NUP188: variants seen among roughly 807,000 people sequenced by gnomAD.
The protein encoded by NUP188 is nucleoporin 188.
A neutral mutation model predicts 223.0 loss-of-function variants in NUP188; 97 were observed. The ratio of observed to expected loss-of-function variants is 0.43; its 90% CI spans 0.37 to 0.51. NUP188 has a LOEUF of 0.51. Ranked by LOEUF, NUP188 falls within the 20% of genes least tolerant of loss-of-function variation. NUP188 has a pLI of 0.00. For synonymous variants in NUP188, 869 were observed against 828.0 expected (o/e 1.05, Z -0.85); for missense variants, 1,947 against 2,175.6 (o/e 0.89, Z 2.09).
intron 2 of NUP188, among the ~76,000 whole-genome samples, chr9:128,950,150 C>A (rs908986504): frequency 4.0e-5 from 6 of 150,772 alleles, no homozygotes; most frequent in Non-Finnish European, 7.4e-5. Context: ...CTTGAACTCC[C>A]GACCTCAGGT....
chr9:129,007,012 C>T lies in NUP188; in HGVS notation c.*334C>T, dbSNP rs1009283804. 3.6e-5 allele frequency: 9 copies of T among 248,864 alleles called. No homozygotes were observed. The highest frequency in any genetic ancestry group is 1.8e-4 in the African/African-American group (8 of 44,662). The allele number at this position is 248,864 out of a possible 1,614,324, so 15.4% of individuals were successfully genotyped here. A position where few individuals can be genotyped will look rare whatever the true frequency, so the allele number is the denominator to read the frequency against. On this transcript the variant is annotated 3_prime_UTR_variant, in exon 44 of 44. Coordinates refer to ENST00000372577, the MANE Select transcript of NUP188 (RefSeq NM_015354.3). ...AGCAGAGGGCTCTATGCACGGGTTT[C>T]AAACCTGTTTTCCACACTCTGTCTT...
In NUP188 at chr9:128,958,021, A is replaced by G. The variant is rs1841895727; in HGVS notation, c.339A>G (p.Gln113=). Residue 113 remains glutamine, a synonymous_variant, in exon 6 of 44, where the codon CAA becomes CAG. Transcript: ENST00000372577. ...GTRDSVKTVL[Q]DERQSQALIL... is the part of the protein sequence containing the mutation. ...GTTTTTCTTTTCAGACAGTACTGCA[A>G]GATGAGAGGCAGAGCCAGGCCTTAA... 1 of 1,613,228 alleles carries G rather than the reference A, an allele frequency of 6.2e-7. No individual in the cohort carries two copies. The highest frequency in any genetic ancestry group is 8.5e-7 in the Non-Finnish European group (1 of 1,179,576).
In NUP188 at chr9:128,999,156, C is replaced by G; in HGVS notation, c.3516-16C>G. The stretch of plus-strand genomic sequence containing the variant: ...GCATGAGCCACCACGCCTGGCCCAC[C>G]CAGTATTCTTTCTAGAGAGTTAGGT... On this transcript the variant is annotated splice_polypyrimidine_tract_variant and intron_variant, in intron 32 of 43. Coordinates refer to ENST00000372577, the MANE Select transcript of NUP188 (RefSeq NM_015354.3). The G allele has an allele frequency of 6.2e-7, 1 of 1,612,764 alleles. No individual in the cohort carries two copies. Among genetic ancestry groups the G allele is most frequent in the Non-Finnish European group, 8.5e-7 (1 of 1,179,068 alleles).
At chr9:128,980,840 G>A (rs1842244300) in intron 14 of NUP188, 115 bp downstream of exon 14, 4 of 1,051,056 alleles carry the variant, frequency 3.8e-6, no homozygotes, top group Non-Finnish European at 5.5e-6. Flanking sequence ...AAGTTTGTCT[G>A]AAGGTGAATG....
intron 41 of NUP188, 97 bp from the exon 42 acceptor site, chr9:129,005,953 G>A: frequency 1.4e-6 from 2 of 1,445,326 alleles, no homozygotes; most frequent in Non-Finnish European, 1.9e-6. Context: ...TGAGGTAACT[G>A]ATTAAATTTG....
At chr9:128,956,116 CT>C (rs923240795) in intron 3 of NUP188, among the ~76,000 whole-genome samples, 283 of 149,030 alleles carry the variant, frequency 1.9e-3, no homozygotes, top group African/African-American at 6.7e-3. Flanking sequence ...AATTTAACCA[CT>C]TTTTTTTTGT....
chr9:128,947,777 G>C (rs755361535), intron 1 of NUP188, 26 bp downstream of exon 1: 1 of 1,404,864 alleles, frequency 7.1e-7, no homozygotes, highest in African/African-American at 1.5e-5. Flanking sequence ...AATGGACCGG[G>C]GTGGCTGTGA....
In NUP188 at chr9:128,999,801, A is replaced by G. The variant is rs73624835; in HGVS notation, c.3839A>G (p.Asp1280Gly). The G allele has an allele frequency of 5.5e-4, 894 of 1,614,174 alleles. 1 individual carries two copies. The African/African-American group carries it at 0.011, about 20-fold the overall frequency. The change falls in exon 34 of 44, where the codon GAT becomes GGT. Residue 1280 changes from aspartate (D) to glycine (G), a missense_variant. Around this residue, in one of 3 missense-constraint regions of NUP188, gnomAD observed 905 missense variants for 990.6 expected, o/e 0.91. Transcript: ENST00000372577. ...CSRSRHRDQR[D>G]GVCVLGLHLA... is the part of the protein sequence containing the mutation. ...CGGTCCCGGCACAGGGACCAGCGTG[A>G]TGGGGTGAGACAGTGCCCTAGAAGG...
rs762559868 is a variant in NUP188 at position 128,957,990 on chromosome 9, T to G, written c.328-20T>G. On this transcript the variant is annotated intron_variant, in intron 5 of 43. Coordinates refer to ENST00000372577, the MANE Select transcript of NUP188 (RefSeq NM_015354.3). ...TTTGCCTAAAAGATGGCCTCTTAAC[T>G]GCTCTGTTTTTCTTTTCAGACAGTA... The G allele has an allele frequency of 1.2e-6, 2 of 1,607,076 alleles. No individual in the cohort carries two copies. The highest frequency in any genetic ancestry group is 1.7e-6 in the Non-Finnish European group (2 of 1,176,014).
At chr9:128,978,033 G>A (rs1283198546) in intron 12 of NUP188, among the ~76,000 whole-genome samples, 1 of 152,040 alleles carries the variant, frequency 6.6e-6, no homozygotes, top group Non-Finnish European at 1.5e-5. Context: ...ACATTGTACA[G>A]CAGACACAAC....
At position 128,958,883 on chromosome 9, in the gene NUP188, C is replaced by A; in HGVS notation, c.454C>A (p.His152Asn). ...TCTCACTTACTTCCAAGATGAAAGA[C>A]ACCCCTATAGGGTAAGCTTGTTTAG... ...HLLTYFQDER[H>N]PYRVEYADCV... The change falls in exon 7 of 44, where the codon CAC becomes AAC. Residue 152 changes from histidine to asparagine, a missense_variant. Physicochemically the swap from His to Asn is moderately conservative, Grantham distance 68. Transcript: ENST00000372577. 1 of 1,595,862 alleles carries A rather than the reference C, an allele frequency of 6.3e-7. No homozygotes were observed. The highest frequency in any genetic ancestry group is 8.6e-7 in the Non-Finnish European group (1 of 1,166,910).
At chr9:129,002,577 C>T (rs1377362456) in intron 36 of NUP188, among the ~76,000 whole-genome samples, 3 of 152,364 alleles carry the variant, frequency 2.0e-5, no homozygotes, top group East Asian at 1.9e-4. Flanking sequence ...TGTCCAGGTT[C>T]GCATAGCTCG....
chr9:128,993,611 C>A lies in NUP188; in HGVS notation c.2934C>A (p.Pro978=). Residue 978 remains proline, a synonymous_variant, in exon 27 of 44, where the codon CCC becomes CCA. Coordinates refer to ENST00000372577, the MANE Select transcript of NUP188 (RefSeq NM_015354.3). ...SQQQDRYWCP[P]LLHRAAIAFL... is the part of the protein sequence containing the mutation. ...AGCAAGATCGATACTGGTGCCCACC[C>A]CTGCTGCATCGTGCCGCCATTGCCT... The A allele has an allele frequency of 6.2e-7, 1 of 1,614,210 alleles. No individual in the cohort carries two copies.
chr9:128,966,260 CTG>C (rs10616823), intron 8 of NUP188, among the ~76,000 whole-genome samples: 40,435 of 139,142 alleles, frequency 0.29, 5,632 homozygotes, highest in Admixed American at 0.36. Flanking sequence ...GTCTCTGTGT[CTG>C]TGTGTGTGTG....
chr9:128,972,211 C>T (rs945020772), intron 11 of NUP188, among the ~76,000 whole-genome samples: 1 of 152,178 alleles, frequency 6.6e-6, no homozygotes, highest in Non-Finnish European at 1.5e-5. Flanking sequence ...AAAGGTCCTT[C>T]AGTAAGTATA....
intron 8 of NUP188, among the ~76,000 whole-genome samples, chr9:128,962,411 A>G (rs757111242): frequency 3.6e-4 from 54 of 151,684 alleles, no homozygotes; most frequent in Admixed American, 8.6e-4. Context: ...ACCACGCCCA[A>G]TTAATTTTTT....
intron 10 of NUP188, among the ~76,000 whole-genome samples, chr9:128,969,904 T>A (rs17485499): frequency 0.021 from 3,187 of 152,232 alleles, 119 homozygotes; most frequent in African/African-American, 0.073. Context: ...GTGCTGGGAC[T>A]ACAGGCGTGA....
At chr9:128,965,165 A>G (rs1463021332) in intron 8 of NUP188, among the ~76,000 whole-genome samples, 1 of 152,116 alleles carries the variant, frequency 6.6e-6, no homozygotes, top group African/African-American at 2.4e-5. Context: ...TTTATTGATT[A>G]AAATTTTTTT....
At chr9:128,980,573 T>TGAAGATCA (rs1243268107) in intron 13 of NUP188, 33 bp from the exon 14 acceptor site, 1 of 1,585,624 alleles carries the variant, frequency 6.3e-7, no homozygotes, top group African/African-American at 1.4e-5. Context: ...GTGGATAATG[T>TGAAGATCA]GAAGATCAGT....
Sources: gnomAD v4.1 joint callset for allele counts (sites outside exome capture counted in the v4.1 genomes callset) on GRCh38, gnomAD v4.1.1 for gene constraint, gnomAD v4.1.1 regional missense constraint, MANE v1.5 for transcripts, NCBI Gene and HGNC (gene_info 2026-07-23, HGNC 2026-07-21) for gene names.